The following PCDHGB2 variants were observed in gnomAD, a reference collection of about 807,000 sequenced individuals.
PCDHGB2 encodes the protein protocadherin gamma-B2.
PCDHGB2 carries 55 observed loss-of-function variants against 59.3 expected under a neutral mutation model. The observed-to-expected ratio is 0.93, with a 90% CI of 0.75 to 1.16. PCDHGB2 has a LOEUF of 1.16. Ranked by LOEUF, PCDHGB2 falls within the 50% of genes most tolerant of loss-of-function variation. The pLI is 0.00. For synonymous variants in PCDHGB2, 516 were observed against 512.0 expected, an observed-to-expected ratio of 1.01 and a Z score of -0.11; for missense variants, 1,228 against 1,198.5, an observed-to-expected ratio of 1.02 and a Z score of -0.36.
intron 1 of PCDHGB2, chr5:141,475,917 C>T (rs1012431912): frequency 1.7e-6 from 1 of 599,962 alleles, no homozygotes. Context: ...AATGAAGACG[C>T]TGGAGATCGG....
intron 1 of PCDHGB2, chr5:141,421,627 T>C: frequency 6.2e-7 from 1 of 1,613,846 alleles, no homozygotes; most frequent in Non-Finnish European, 8.5e-7. Context: ...CGCCCCCAGC[T>C]TCCAGGAGGA....
Position 141,476,191 on chromosome 5 carries a change from C to T in PCDHGB2, c.2422-18616C>T. The T allele has an allele frequency of 6.2e-7, 1 of 1,613,860 alleles. No homozygotes were observed. The highest frequency in any genetic ancestry group is 8.5e-7 in the Non-Finnish European group (1 of 1,180,006). ...TGGGAGTTTTGCTTCTGCTTGGTGC[C>T]TTGAACAAGGCTTCCACGGTCATTC... On this transcript the variant is annotated intron_variant, in intron 1 of 3. Transcript: ENST00000522605. This position sits in a 1 kb window ranked among gnomAD's most constrained non-coding sequence, Gnocchi z 7.6.
At chr5:141,421,977 G>A in intron 1 of PCDHGB2, 1 of 1,609,542 alleles carries the variant, frequency 6.2e-7, no homozygotes, top group Admixed American at 1.7e-5. Context: ...TATATCGCGT[G>A]AGTGTTCCAG....
intron 1 of PCDHGB2, chr5:141,468,354 GA>G (rs910554966): frequency 7.0e-6 from 1 of 143,440 alleles, no homozygotes. Context: ...AAAAAAGAAA[GA>G]AAAAAGAAAT....
At chr5:141,408,188 G>A in intron 1 of PCDHGB2, 6 of 1,543,620 alleles carry the variant, frequency 3.9e-6, no homozygotes, top group Non-Finnish European at 4.4e-6. Flanking sequence ...GACCCAGCGA[G>A]AACCCGAGCG....
Position 141,487,945 on chromosome 5 carries a change from G to A in PCDHGB2, c.2422-6862G>A, listed in dbSNP as rs2099669554. ...CAGTGCACAGGGTACAGTGCACCAG[G>A]CAGTCACTTGGACAAAGGTGGCTGT... On this transcript the variant is annotated intron_variant, in intron 1 of 3. Transcript: ENST00000522605. This position sits in a 1 kb window ranked among gnomAD's most constrained non-coding sequence, Gnocchi z 5.0. Among the ~76,000 whole-genome samples the A allele has an allele frequency of 6.6e-6, 1 of 152,198 alleles. No individual in the cohort carries two copies. Among genetic ancestry groups the A allele is most frequent in the Non-Finnish European group, 1.5e-5 (1 of 68,036 alleles).
Position 141,485,996 on chromosome 5 carries a change from G to A in PCDHGB2, c.2422-8811G>A, listed in dbSNP as rs114142606. On this transcript the variant is annotated intron_variant, in intron 1 of 3. Coordinates refer to ENST00000522605, the MANE Select transcript of PCDHGB2 (RefSeq NM_018923.3). The surrounding 1 kb of genome is among the most constrained non-coding windows in gnomAD (Gnocchi z 5.7). ...CTCAGACCCGGACCTGGGTCCCAGT[G>A]GTAACGTCACCTTTTATTTCAGTGG... The A allele has an allele frequency of 1.6e-4, 256 of 1,614,178 alleles. 1 individual carries two copies. Among genetic ancestry groups the A allele is most frequent in the Middle Eastern group, 1.5e-3 (9 of 6,062 alleles).
intron 1 of PCDHGB2, chr5:141,417,646 C>G: frequency 1.3e-6 from 1 of 797,874 alleles, no homozygotes. Context: ...GATCCCTCAG[C>G]CTCTAGCCTG....
intron 1 of PCDHGB2, chr5:141,423,522 G>A: frequency 6.2e-7 from 1 of 1,613,850 alleles, no homozygotes; most frequent in South Asian, 1.1e-5. Context: ...CGGACTCGCA[G>A]AAGAGTCACC....
intron 1 of PCDHGB2, among the ~76,000 whole-genome samples, chr5:141,364,048 G>C (rs1027287305): frequency 6.6e-6 from 1 of 152,188 alleles, no homozygotes; most frequent in African/African-American, 2.4e-5. Context: ...AACATTATTA[G>C]AAATAAAATT....
Position 141,489,575 on chromosome 5 carries a change from AC to A in PCDHGB2, c.2422-5227del. On this transcript the variant is annotated intron_variant, in intron 1 of 3. Coordinates refer to ENST00000522605, the MANE Select transcript of PCDHGB2 (RefSeq NM_018923.3). This position sits in a 1 kb window ranked among gnomAD's most constrained non-coding sequence, Gnocchi z 4.5. ...CTGCCAGTGCAGGTGGTGACTGAAC[AC>A]CCCCTGGAGCTAATCCGTGTAGAGG... 1 of 1,613,788 alleles carries A rather than the reference AC, an allele frequency of 6.2e-7. No individual in the cohort carries two copies. Among genetic ancestry groups the A allele is most frequent in the Middle Eastern group, 1.6e-4 (1 of 6,062 alleles).
chr5:141,388,652 C>A (rs1388425962), intron 1 of PCDHGB2: 1 of 1,613,844 alleles, frequency 6.2e-7, no homozygotes, highest in Non-Finnish European at 8.5e-7. Flanking sequence ...AAAACGTGTA[C>A]CCGGGGACCA....
intron 1 of PCDHGB2, chr5:141,428,464 G>A (rs904800167): frequency 1.1e-4 from 37 of 344,652 alleles, no homozygotes; most frequent in African/African-American, 6.3e-4. Context: ...CTACAATGAG[G>A]GAACTTTGCT....
At chr5:141,410,544 G>A (rs1370251538) in intron 1 of PCDHGB2, 3 of 1,613,640 alleles carry the variant, frequency 1.9e-6, no homozygotes, top group Non-Finnish European at 2.5e-6. Flanking sequence ...GACATGGTTT[G>A]CAGTGTTTCT....
At position 141,487,855 on chromosome 5, in the gene PCDHGB2, A is replaced by G. The variant is rs1033833406; in HGVS notation, c.2422-6952A>G. The G allele has an allele frequency of 2.1e-6, 2 of 974,092 alleles. No homozygotes were observed. Among genetic ancestry groups the G allele is most frequent in the Non-Finnish European group, 3.0e-6 (2 of 668,870 alleles). The allele number at this position is 974,092 out of a possible 1,614,324, so 60.3% of individuals were successfully genotyped here. Reference sequence around the variant, plus strand: ...TATATCTGAGTAAGAAATGAAAGTAATTGGTGATCAAGAGCCAGGCTGTTG... The same window carrying G: ...TATATCTGAGTAAGAAATGAAAGTAGTTGGTGATCAAGAGCCAGGCTGTTG... On this transcript the variant is annotated intron_variant, in intron 1 of 3. Transcript: ENST00000522605. The surrounding 1 kb of genome is among the most constrained non-coding windows in gnomAD (Gnocchi z 5.0).
chr5:141,376,522 G>A (rs767035645), intron 1 of PCDHGB2: 18 of 1,613,784 alleles, frequency 1.1e-5, no homozygotes, highest in Non-Finnish European at 1.5e-5. Flanking sequence ...GTTTCTTTCC[G>A]CCTAAGCGGG....
intron 1 of PCDHGB2, chr5:141,388,246 TGGA>T: frequency 6.2e-7 from 1 of 1,609,740 alleles, no homozygotes; most frequent in East Asian, 2.2e-5. Context: ...CACGTGAATG[TGGA>T]GATCGAGGAC....
At chr5:141,435,362 C>A (rs2097758711) in intron 1 of PCDHGB2, among the ~76,000 whole-genome samples, 1 of 152,120 alleles carries the variant, frequency 6.6e-6, no homozygotes, top group Admixed American at 6.6e-5. Flanking sequence ...AAAATTTTAT[C>A]ACTTAAATAT....
intron 1 of PCDHGB2, chr5:141,423,300 G>A (rs1293301567): frequency 2.5e-6 from 4 of 1,614,028 alleles, no homozygotes; most frequent in African/African-American, 1.3e-5. Context: ...CAGACCTCTC[G>A]CTGTACTTGG....
Sources: gnomAD v4.1 joint callset for allele counts (sites outside exome capture counted in the v4.1 genomes callset) on GRCh38, gnomAD v4.1.1 for gene constraint, Gnocchi (gnomAD v3.1) non-coding constraint, MANE v1.5 for transcripts, NCBI Gene and HGNC (gene_info 2026-07-23, HGNC 2026-07-21) for gene names.